RANBP2: variants seen among roughly 807,000 people sequenced by gnomAD.
The protein encoded by RANBP2 is E3 SUMO-protein ligase RanBP2.
Under a neutral mutation model 303.6 loss-of-function variants are expected in RANBP2, and 57 were observed. The ratio of observed to expected loss-of-function variants is 0.19; its 90% CI spans 0.15 to 0.23. RANBP2 has a LOEUF of 0.23. Among genes scored for constraint, RANBP2 ranks in the 10% least tolerant of loss-of-function variants. The pLI, the probability that RANBP2 is intolerant of heterozygous loss-of-function variation, is 1.00. For synonymous variants in RANBP2, 1,167 were observed against 1,301.5 expected, an observed-to-expected ratio of 0.90 and a Z score of 2.23; for missense variants, 3,138 against 3,780.8, an observed-to-expected ratio of 0.83 and a Z score of 4.46.
At chr2:108,997,463 A>AAAAAG in the RANBP2 span, among the ~76,000 whole-genome samples, 98 of 148,234 alleles carry the variant, frequency 6.6e-4, no homozygotes, top group Non-Finnish European at 1.3e-3. Flanking sequence ...AAAAAAAAAA[A>AAAAAG]GATGATGGTC....
chr2:109,501,518 C>T, the RANBP2 span: 1 of 778,528 alleles, frequency 1.3e-6, no homozygotes, highest in Non-Finnish European at 2.4e-6. Flanking sequence ...GCGTGGTGGT[C>T]TCGTACCCAC....
At chr2:109,352,461 C>T in the RANBP2 span, among the ~76,000 whole-genome samples, 5 of 152,168 alleles carry the variant, frequency 3.3e-5, no homozygotes, top group Non-Finnish European at 5.9e-5. Flanking sequence ...CAGAGCCAGG[C>T]GATGGGCAAG....
the RANBP2 span, among the ~76,000 whole-genome samples, chr2:108,853,976 A>AATATATAATATATAATAAATTTATATT: frequency 6.7e-4 from 61 of 90,792 alleles, no homozygotes; most frequent in East Asian, 2.7e-3. Context: ...AAATATATAT[A>AATATATAATATATAATAAATTTATATT]ATATATAATA....
In RANBP2 at chr2:108,767,461, C is replaced by T; in HGVS notation, c.6922C>T (p.Gln2308Ter). The change falls in exon 20 of 29, where the codon CAG (glutamine) becomes TAG (stop). Residue 2308 changes from glutamine (Q) to a stop codon, truncating the protein, a stop_gained. Transcript: ENST00000283195. LOFTEE classifies it high-confidence loss of function. ...DVTQEEERDG[Q>*]YFEPVVPLPD... is the part of the protein sequence containing the mutation. ...TACTCAAGAAGAAGAGAGAGATGGA[C>T]AGTACTTTGAACCTGTTGTTCCTTT... is the stretch of plus-strand genomic sequence containing the variant. The T allele has an allele frequency of 6.2e-7, 1 of 1,611,874 alleles. No homozygotes were observed. Among genetic ancestry groups the T allele is most frequent in the Non-Finnish European group, 8.5e-7 (1 of 1,179,832 alleles).
the RANBP2 span, among the ~76,000 whole-genome samples, chr2:108,921,404 G>C: frequency 2.0e-5 from 3 of 152,228 alleles, no homozygotes; most frequent in Non-Finnish European, 4.4e-5. Flanking sequence ...TTGCTGCAGA[G>C]TACCAAGGAT....
At chr2:109,719,006 C>CT in the RANBP2 span, among the ~76,000 whole-genome samples, 1 of 26,282 alleles carries the variant, frequency 3.8e-5, no homozygotes, top group African/African-American at 6.9e-5. Context: ...GAGACTCCAT[C>CT]TAAAAAAAAA....
chr2:109,268,039 G>A, the RANBP2 span, among the ~76,000 whole-genome samples: 12 of 151,876 alleles, frequency 7.9e-5, no homozygotes, highest in Non-Finnish European at 1.5e-4. Context: ...CAGTCCTTGT[G>A]GGTGAGGGGG....
At chr2:109,553,308 G>T in the RANBP2 span, 2 of 1,363,622 alleles carry the variant, frequency 1.5e-6, no homozygotes, top group Non-Finnish European at 2.0e-6. Flanking sequence ...ACTTTGGGAG[G>T]CCGAGGCAGG....
chr2:109,583,505 T>C, the RANBP2 span, among the ~76,000 whole-genome samples: 1 of 152,168 alleles, frequency 6.6e-6, no homozygotes, highest in Non-Finnish European at 1.5e-5. Flanking sequence ...CTGGCGGGGC[T>C]GTAGAGAAAA....
chr2:109,407,926 T>C, the RANBP2 span, among the ~76,000 whole-genome samples: 13 of 152,202 alleles, frequency 8.5e-5, no homozygotes, highest in African/African-American at 3.1e-4. Flanking sequence ...CCAATCACAG[T>C]GCAGGGTGCT....
intron 17 of RANBP2, among the ~76,000 whole-genome samples, chr2:108,757,665 C>G (rs1342188217): frequency 6.6e-6 from 1 of 152,192 alleles, no homozygotes; most frequent in Middle Eastern, 3.4e-3. Flanking sequence ...TCAGGTAGTC[C>G]AGATTGCAGT....
At chr2:109,096,287 C>T in the RANBP2 span, among the ~76,000 whole-genome samples, 11 of 152,036 alleles carry the variant, frequency 7.2e-5, no homozygotes, top group African/African-American at 2.4e-4. Flanking sequence ...GGGTTATATT[C>T]ATATAAATAT....
the RANBP2 span, among the ~76,000 whole-genome samples, chr2:109,418,788 C>G: frequency 6.6e-6 from 1 of 152,198 alleles, no homozygotes; most frequent in Admixed American, 6.5e-5. Context: ...AGACAGGACA[C>G]TGTCCTAGGG....
chr2:109,152,460 C>G, the RANBP2 span, among the ~76,000 whole-genome samples: 1 of 152,210 alleles, frequency 6.6e-6, no homozygotes, highest in Non-Finnish European at 1.5e-5. Context: ...TAGCCTTGTT[C>G]CGGGTGCCTG....
chr2:109,465,018 G>A, the RANBP2 span, among the ~76,000 whole-genome samples: 2 of 152,114 alleles, frequency 1.3e-5, no homozygotes, highest in African/African-American at 4.8e-5. Context: ...CCTTTTTACT[G>A]CCTTCATAGA....
At chr2:109,624,736 C>T in the RANBP2 span, among the ~76,000 whole-genome samples, 1,463 of 152,220 alleles carry the variant, frequency 9.6e-3, 63 homozygotes, top group East Asian at 0.13. Flanking sequence ...CTTCTCATTG[C>T]GTATGCTGCA....
the RANBP2 span, among the ~76,000 whole-genome samples, chr2:109,153,910 C>T: frequency 6.6e-6 from 1 of 152,114 alleles, no homozygotes; most frequent in African/African-American, 2.4e-5. Flanking sequence ...GTTGCAGGGC[C>T]GAGGACAAAA....
chr2:109,506,445 T>G, the RANBP2 span, among the ~76,000 whole-genome samples: 2 of 152,198 alleles, frequency 1.3e-5, no homozygotes, highest in Non-Finnish European at 2.9e-5. Flanking sequence ...GAGAGGCACC[T>G]AAACAACCTT....
At chr2:108,938,705 AT>A in the RANBP2 span, among the ~76,000 whole-genome samples, 2 of 152,078 alleles carry the variant, frequency 1.3e-5, no homozygotes, top group Non-Finnish European at 2.9e-5. Flanking sequence ...GAGGGAAAGC[AT>A]TTTCAGGGTG....
Sources: allele counts gnomAD v4.1 joint callset (sites outside exome capture counted in the v4.1 genomes callset), GRCh38; gene constraint gnomAD v4.1.1; transcripts MANE v1.5; gene names NCBI Gene and HGNC (gene_info 2026-07-23, HGNC 2026-07-21).